The following GABPB2 variants were observed in gnomAD, a reference collection of about 807,000 sequenced individuals.
The protein encoded by GABPB2 is GA-binding protein subunit beta-2.
GABPB2 carries 23 observed loss-of-function variants against 39.1 expected under a neutral mutation model. The ratio of observed to expected loss-of-function variants is 0.59; its 90% CI spans 0.42 to 0.83. The LOEUF is 0.83. Among genes scored for constraint, GABPB2 ranks in the 40% least tolerant of loss-of-function variants. The probability of loss-of-function intolerance (pLI) is 0.00; values close to 1 mark genes in which losing one functional copy is unlikely to be tolerated. For missense variants in GABPB2, 467 were observed against 541.1 expected (o/e 0.86, Z 1.36); for synonymous variants, 184 against 199.3 (o/e 0.92, Z 0.65).
intron 5 of GABPB2, among the ~76,000 whole-genome samples, chr1:151,100,733 G>A (rs1367867524): frequency 1.3e-5 from 2 of 150,406 alleles, no homozygotes; most frequent in African/African-American, 2.4e-5. Context: ...GGATACTGGT[G>A]CCTGCCACCA....
chr1:151,077,183 CA>C (rs1398874355), intron 1 of GABPB2, among the ~76,000 whole-genome samples: 2 of 152,046 alleles, frequency 1.3e-5, no homozygotes, highest in Admixed American at 1.3e-4. Flanking sequence ...ATAAGACTTA[CA>C]AAGCCAATTA....
chr1:151,086,910 A>G (rs911529985), intron 1 of GABPB2, among the ~76,000 whole-genome samples: 16 of 152,198 alleles, frequency 1.1e-4, no homozygotes, highest in Admixed American at 3.3e-4. Context: ...ACTGGAGTGC[A>G]GTGGTGCGAT....
chr1:151,074,254 C>T (rs149528396), intron 1 of GABPB2, among the ~76,000 whole-genome samples: 2 of 150,188 alleles, frequency 1.3e-5, no homozygotes, highest in South Asian at 2.1e-4. Context: ...GGATTACAGG[C>T]GTGAGCCACC....
intron 3 of GABPB2, among the ~76,000 whole-genome samples, chr1:151,092,072 G>A (rs1048955410): frequency 1.3e-5 from 2 of 149,610 alleles, no homozygotes; most frequent in African/African-American, 4.9e-5. Flanking sequence ...TGACAGGTGT[G>A]GGGTTACTGT....
intron 7 of GABPB2, among the ~76,000 whole-genome samples, chr1:151,109,325 A>AAAT (rs1680204835): frequency 2.7e-5 from 1 of 37,220 alleles, no homozygotes; most frequent in African/African-American, 8.2e-5. Context: ...TATACACACA[A>AAAT]ATATATATAT....
intron 1 of GABPB2, among the ~76,000 whole-genome samples, chr1:151,082,828 TAGTC>T (rs1186268523): frequency 6.6e-6 from 1 of 151,754 alleles, no homozygotes; most frequent in East Asian, 1.9e-4. Flanking sequence ...ACTAAAAAAT[TAGTC>T]AGGCATGGTT....
At chr1:151,094,171 C>T (rs587677395) in intron 4 of GABPB2, among the ~76,000 whole-genome samples, 2 of 149,470 alleles carry the variant, frequency 1.3e-5, no homozygotes, top group East Asian at 4.0e-4. Context: ...TCCACCTTAG[C>T]CTCCCGAGCA....
chr1:151,072,654 T>C (rs1011880328), intron 1 of GABPB2, among the ~76,000 whole-genome samples: 2 of 152,040 alleles, frequency 1.3e-5, no homozygotes, highest in African/African-American at 4.8e-5. Context: ...GACACCAGCC[T>C]GGCTAACATG....
At chr1:151,083,655 T>A (rs938069800) in intron 1 of GABPB2, among the ~76,000 whole-genome samples, 1 of 145,582 alleles carries the variant, frequency 6.9e-6, no homozygotes, top group African/African-American at 2.7e-5. Flanking sequence ...AAAAAAAAAA[T>A]TATATATATA....
At chr1:151,093,098 A>G in intron 3 of GABPB2, 94 bp from the exon 4 acceptor site, 1 of 960,388 alleles carries the variant, frequency 1.0e-6, no homozygotes, top group Non-Finnish European at 1.5e-6. Flanking sequence ...TTGAGTACGT[A>G]ATCTCTATGG....
Position 151,125,020 on chromosome 1 carries a change from G to T in GABPB2, c.*6764G>T, listed in dbSNP as rs184184029. 8 of 146,940 alleles carry T rather than the reference G, an allele frequency of 5.4e-5. No individual in the cohort carries two copies. The highest frequency in any genetic ancestry group is 2.1e-4 in the South Asian group (1 of 4,728). 9.1% of individuals were successfully genotyped at this position (146,940 alleles called of 1,614,324 possible). On this transcript the variant is annotated 3_prime_UTR_variant, in exon 9 of 9. Coordinates refer to ENST00000368918, the MANE Select transcript of GABPB2 (RefSeq NM_144618.3). ...CTCATTGAGGCTTTCCCAGGCATTC[G>T]AATTTAGTTAGTAGGTCATTTCTAA...
intron 5 of GABPB2, among the ~76,000 whole-genome samples, chr1:151,101,292 T>G (rs1231913247): frequency 6.8e-6 from 1 of 147,904 alleles, no homozygotes; most frequent in East Asian, 2.0e-4. Context: ...ATAAAATATA[T>G]TGCTTAGTGT....
chr1:151,114,495 C>T (rs1231377631), intron 7 of GABPB2, among the ~76,000 whole-genome samples: 3 of 151,908 alleles, frequency 2.0e-5, no homozygotes, highest in African/African-American at 7.3e-5. Context: ...GTCAAGAGAT[C>T]GAGACCATCC....
intron 6 of GABPB2, among the ~76,000 whole-genome samples, chr1:151,105,406 T>C (rs1193519811): frequency 6.7e-6 from 1 of 148,840 alleles, no homozygotes; most frequent in Non-Finnish European, 1.5e-5. Context: ...ATATCAAATG[T>C]ATATCAAATA....
chr1:151,086,312 C>G (rs1182080199), intron 1 of GABPB2, among the ~76,000 whole-genome samples: 1 of 151,762 alleles, frequency 6.6e-6, no homozygotes, highest in Non-Finnish European at 1.5e-5. Context: ...CACATATATT[C>G]AGGTGTTGAG....
chr1:151,076,983 C>T (rs1677223170), intron 1 of GABPB2, among the ~76,000 whole-genome samples: 1 of 151,548 alleles, frequency 6.6e-6, no homozygotes, highest in South Asian at 2.1e-4. Flanking sequence ...TTAGTAGAGA[C>T]GGGGTTTCAC....
At chr1:151,084,061 A>T (rs946043473) in intron 1 of GABPB2, among the ~76,000 whole-genome samples, 13 of 149,528 alleles carry the variant, frequency 8.7e-5, no homozygotes, top group Admixed American at 2.7e-4. Flanking sequence ...TATATATATA[A>T]AAAAATATAT....
intron 1 of GABPB2, among the ~76,000 whole-genome samples, chr1:151,085,472 G>A (rs984544844): frequency 3.3e-5 from 5 of 151,904 alleles, no homozygotes; most frequent in Admixed American, 1.3e-4. Context: ...ACGGAGTCTC[G>A]CTCTGTTGCC....
At chr1:151,096,034 CAAAA>C (rs11307389) in intron 4 of GABPB2, among the ~76,000 whole-genome samples, 8 of 107,516 alleles carry the variant, frequency 7.4e-5, no homozygotes, top group Admixed American at 9.8e-5. Flanking sequence ...GTGAGACTCT[CAAAA>C]AAAAAAAAAA....
Sources: gnomAD v4.1 joint callset for allele counts (sites outside exome capture counted in the v4.1 genomes callset) on GRCh38, gnomAD v4.1.1 for gene constraint, MANE v1.5 for transcripts, NCBI Gene and HGNC (gene_info 2026-07-23, HGNC 2026-07-21) for gene names.